NRXN3: variants seen among roughly 807,000 people sequenced by gnomAD.
NRXN3 encodes the protein neurexin III.
In NRXN3, 32 loss-of-function variants were observed where a neutral mutation model predicts 137.6. That is an observed-to-expected ratio of 0.23 (90% CI 0.18 to 0.31). The LOEUF is 0.31. Among genes scored for constraint, NRXN3 ranks in the 10% least tolerant of loss-of-function variants. The pLI, the probability that NRXN3 is intolerant of heterozygous loss-of-function variation, is 1.00. For missense variants in NRXN3, 1,574 were observed against 2,062.5 expected (o/e 0.76, Z 4.59); for synonymous variants, 798 against 784.5 (o/e 1.02, Z -0.29).
chr14:79,132,713 G>T (rs61992525), intron 15 of NRXN3, among the ~76,000 whole-genome samples: 1 of 152,190 alleles, frequency 6.6e-6, no homozygotes, highest in African/African-American at 2.4e-5. Flanking sequence ...ACCACCAGGT[G>T]CTAATAGTCA....
intron 15 of NRXN3, among the ~76,000 whole-genome samples, chr14:79,338,116 C>T (rs749153843): frequency 6.6e-6 from 1 of 151,996 alleles, no homozygotes; most frequent in Non-Finnish European, 1.5e-5. Context: ...TATTACTGAA[C>T]TTCACATATG....
chr14:78,859,227 G>C (rs1483040222), intron 10 of NRXN3, among the ~76,000 whole-genome samples: 1 of 151,982 alleles, frequency 6.6e-6, no homozygotes, highest in Non-Finnish European at 1.5e-5. Flanking sequence ...GTTTCCTGAG[G>C]CCTCCCCAGC....
chr14:79,444,044 T>C (rs1268739219), intron 15 of NRXN3, among the ~76,000 whole-genome samples: 2 of 152,150 alleles, frequency 1.3e-5, no homozygotes, highest in East Asian at 1.9e-4. Context: ...CCCCAGCTCC[T>C]TGAGATGAAG....
intron 20 of NRXN3, among the ~76,000 whole-genome samples, chr14:79,841,659 T>C (rs1330628752): frequency 1.3e-5 from 2 of 152,186 alleles, no homozygotes; most frequent in Admixed American, 1.3e-4. Flanking sequence ...GGCCCTTTCC[T>C]TCCTACTGCC....
chr14:78,391,125 T>C, intron 4 of NRXN3, among the ~76,000 whole-genome samples: 1 of 152,224 alleles, frequency 6.6e-6, no homozygotes, highest in East Asian at 1.9e-4. Context: ...TTCCTTTTTA[T>C]GGCTGCATAG....
At position 79,544,127 on chromosome 14, in the gene NRXN3, C is replaced by A. The variant is rs541403592; in HGVS notation, c.3444+76725C>A. Among the ~76,000 whole-genome samples, 7 of 152,288 alleles carry A rather than the reference C, an allele frequency of 4.6e-5. No homozygotes were observed. In the East Asian group the frequency reaches 1.3e-3, roughly 29 times the overall value. On this transcript the variant is annotated intron_variant, in intron 16 of 20. Coordinates refer to ENST00000335750, the MANE Select transcript of NRXN3 (RefSeq NM_001330195.2). ...AAAATACTTCTTAAATGTCACAGCG[C>A]CCCCATGGGGCTGGCTGGGGCAACA...
chr14:78,314,730 G>A (rs953506934), intron 4 of NRXN3, among the ~76,000 whole-genome samples: 2 of 152,134 alleles, frequency 1.3e-5, no homozygotes, highest in African/African-American at 4.8e-5. Context: ...GTGCTTCTGT[G>A]TTCTGATCTT....
intron 16 of NRXN3, among the ~76,000 whole-genome samples, chr14:79,565,879 A>G (rs2097546378): frequency 6.6e-6 from 1 of 152,184 alleles, no homozygotes. Context: ...CTAAATACAA[A>G]TTACAATTGT....
intron 6 of NRXN3, among the ~76,000 whole-genome samples, chr14:78,681,559 CATAAGT>C (rs2098075836): frequency 6.6e-6 from 1 of 152,088 alleles, no homozygotes; most frequent in Non-Finnish European, 1.5e-5. Context: ...GAGGAGGAAA[CATAAGT>C]ATTTTTCGTT....
At position 78,544,457 on chromosome 14, in the gene NRXN3, A is replaced by G. The variant is rs114743332; in HGVS notation, c.758-100663A>G. ...CCTGCCTGAGTACTTATTTCCATGG[A>G]TCAAAAGGATGGGGAAATGCTGATG... On this transcript the variant is annotated intron_variant, in intron 4 of 20. Coordinates refer to ENST00000335750, the MANE Select transcript of NRXN3 (RefSeq NM_001330195.2). Among the ~76,000 whole-genome samples, 1,028 of 152,326 alleles carry G rather than the reference A, an allele frequency of 6.7e-3. 9 individuals are homozygous for G. The highest frequency in any genetic ancestry group is 0.023 in the African/African-American group (963 of 41,580).
chr14:78,346,085 A>G (rs2082700022), intron 4 of NRXN3, among the ~76,000 whole-genome samples: 1 of 152,182 alleles, frequency 6.6e-6, no homozygotes, highest in Non-Finnish European at 1.5e-5. Context: ...AGCAACAGGG[A>G]TCTGAAACTG....
chr14:78,981,084 G>A (rs995810479), intron 14 of NRXN3, among the ~76,000 whole-genome samples: 5 of 152,080 alleles, frequency 3.3e-5, no homozygotes, highest in Non-Finnish European at 1.5e-5. Flanking sequence ...TGTTGGTTTG[G>A]AAGAGTGTTT....
rs148097752 is a variant in NRXN3, at chr14:78,566,430, G to A, written c.758-78690G>A. ...TTCTTTTCCTTCAAGTTTTCCATGT[G>A]GCATCAGCAGCTGAGTAAGGGAAAG... On this transcript the variant is annotated intron_variant, in intron 4 of 20. Coordinates refer to ENST00000335750, the MANE Select transcript of NRXN3 (RefSeq NM_001330195.2). Among the ~76,000 whole-genome samples, 181 of 150,692 alleles carry A rather than the reference G, an allele frequency of 1.2e-3. 1 individual carries two copies. The highest frequency in any genetic ancestry group is 4.3e-3 in the African/African-American group (175 of 40,936).
At chr14:79,184,131 T>C (rs2063250392) in intron 15 of NRXN3, among the ~76,000 whole-genome samples, 1 of 152,176 alleles carries the variant, frequency 6.6e-6, no homozygotes, top group African/African-American at 2.4e-5. Context: ...GGTCCTTCAT[T>C]TAGTGTCAAA....
rs77593181 is a variant in NRXN3 at position 79,413,145 on chromosome 14, C to G, written c.3263-54076C>G. On this transcript the variant is annotated intron_variant, in intron 15 of 20. Transcript: ENST00000335750. The stretch of plus-strand genomic sequence containing the variant: ...TGGGATTATTTATTTATCACATCAC[C>G]TCTGCCATCATTACTTCCCACTCGT... 5.0e-3 allele frequency among the ~76,000 whole-genome samples: 755 copies of G among 152,258 alleles called. 9 individuals carry two copies. The highest frequency in any genetic ancestry group is 0.016 in the African/African-American group (673 of 41,556).
intron 4 of NRXN3, among the ~76,000 whole-genome samples, chr14:78,365,296 A>C (rs2085755318): frequency 6.6e-6 from 1 of 152,140 alleles, no homozygotes; most frequent in Admixed American, 6.6e-5. Flanking sequence ...GCTTTAATAA[A>C]TGACACCAAG....
intron 15 of NRXN3, among the ~76,000 whole-genome samples, chr14:79,223,981 A>G (rs1337648378): frequency 6.6e-6 from 1 of 152,120 alleles, no homozygotes; most frequent in Non-Finnish European, 1.5e-5. Flanking sequence ...TTGGTTCTGA[A>G]TTCCTATTTT....
chr14:78,448,476 A>G (rs116638313), intron 4 of NRXN3, among the ~76,000 whole-genome samples: 4,312 of 152,334 alleles, frequency 0.028, 197 homozygotes, highest in African/African-American at 0.091. Flanking sequence ...AGTTGAATAA[A>G]GAAGCAGGAG....
At chr14:79,770,687 T>A (rs2099074506) in intron 19 of NRXN3, among the ~76,000 whole-genome samples, 2 of 148,236 alleles carry the variant, frequency 1.3e-5, no homozygotes, top group African/African-American at 2.5e-5. Flanking sequence ...GATCCAAAAT[T>A]GACACCCTAA....
Sources: allele counts gnomAD v4.1 joint callset (sites outside exome capture counted in the v4.1 genomes callset), GRCh38; gene constraint gnomAD v4.1.1; transcripts MANE v1.5; gene names NCBI Gene and HGNC (gene_info 2026-07-23, HGNC 2026-07-21).